The following EXT2 variants were observed in gnomAD, a reference collection of about 807,000 sequenced individuals.
The protein encoded by EXT2 is exostosin glycosyltransferase 2.
Under a neutral mutation model 81.6 loss-of-function variants are expected in EXT2, and 53 were observed. That is an observed-to-expected ratio of 0.65 (90% CI 0.52 to 0.82). The LOEUF (loss-of-function observed/expected upper bound fraction) is 0.82, where lower values mean the gene tolerates loss of function less well. Among genes scored for constraint, EXT2 ranks in the 40% least tolerant of loss-of-function variants. EXT2 has a pLI of 0.00. For missense variants in EXT2, 774 were observed against 910.2 expected, an observed-to-expected ratio of 0.85 and a Z score of 1.93; for synonymous variants, 320 against 340.0, an observed-to-expected ratio of 0.94 and a Z score of 0.65.
At position 44,108,245 on chromosome 11, in the gene EXT2, C is replaced by T. The variant is rs747164239; in HGVS notation, c.533C>T (p.Ser178Phe). Residue 178 changes from serine to phenylalanine, a missense_variant, in exon 2 of 14, where the codon TCT (serine) becomes TTT (phenylalanine). By Grantham distance (155) the Ser-to-Phe change is radical. This residue lies in a region of EXT2 where 626 missense variants were observed against 670.5 expected (regional missense o/e 0.93). Coordinates refer to ENST00000533608, the MANE Select transcript of EXT2 (RefSeq NM_207122.2). ...ACAGCACAAGCGATGGCCCAGCTCTCTAGGTATCTCACACTCATACAGCCC... is the reference window on the plus strand; with the variant it reads ...ACAGCACAAGCGATGGCCCAGCTCTTTAGGTATCTCACACTCATACAGCCC... Reference protein sequence around the residue: ...KETAQAMAQLSRWDRGTNHLL... With the variant: ...KETAQAMAQLFRWDRGTNHLL... 1.1e-5 allele frequency: 17 copies of T among 1,611,718 alleles called. No homozygotes were observed. The highest frequency in any genetic ancestry group is 1.4e-5 in the Non-Finnish European group (17 of 1,180,008).
At chr11:44,162,448 C>T (rs759899851) in intron 7 of EXT2, among the ~76,000 whole-genome samples, 5 of 151,638 alleles carry the variant, frequency 3.3e-5, no homozygotes, top group African/African-American at 7.3e-5. Context: ...TGGTGGCAGA[C>T]GTCTGTAATC....
intron 8 of EXT2, among the ~76,000 whole-genome samples, chr11:44,190,455 C>T (rs1383336238): frequency 6.6e-6 from 1 of 152,160 alleles, no homozygotes; most frequent in Admixed American, 6.5e-5. Flanking sequence ...CAGGCCTGTC[C>T]TCTTCTCTTC....
intron 9 of EXT2, 122 bp from the exon 10 acceptor site, chr11:44,206,671 G>T: frequency 3.0e-6 from 3 of 998,786 alleles, no homozygotes; most frequent in Non-Finnish European, 4.6e-6. Flanking sequence ...TTCTACCTTT[G>T]GATTTGATGA....
Position 44,247,303 on chromosome 11 carries a change from A to G in EXT2, c.*3016A>G, listed in dbSNP as rs1218395817. Among the ~76,000 whole-genome samples the G allele has an allele frequency of 5.0e-4, 1 of 1,996 alleles. No homozygotes were observed. Among genetic ancestry groups the G allele is most frequent in the Non-Finnish European group, 1.2e-3 (1 of 806 alleles). The allele number at this position is 1,996 out of a possible 152,430, so 1.3% of individuals were successfully genotyped here. ...CTCTTGTCACCCAGGCTGGAGTGCA[A>G]CAATAGCATGGTCTCGGCTCACTAC... On this transcript the variant is annotated 3_prime_UTR_variant, in exon 14 of 14. Transcript: ENST00000533608.
intron 7 of EXT2, among the ~76,000 whole-genome samples, chr11:44,163,375 C>T (rs1342481138): frequency 6.6e-6 from 1 of 152,198 alleles, no homozygotes; most frequent in African/African-American, 2.4e-5. Context: ...TAGAGCCTAT[C>T]TCTGGGACCT....
At chr11:44,120,924 A>T in intron 4 of EXT2, among the ~76,000 whole-genome samples, 1 of 152,234 alleles carries the variant, frequency 6.6e-6, no homozygotes, top group African/African-American at 2.4e-5. Flanking sequence ...GGGAGGAGAC[A>T]TGAAAGCTAT....
At chr11:44,147,598 T>C (rs1286689854) in intron 7 of EXT2, among the ~76,000 whole-genome samples, 1 of 152,112 alleles carries the variant, frequency 6.6e-6, no homozygotes, top group Non-Finnish European at 1.5e-5. Context: ...TCCTGCTCTG[T>C]CACCCAGGTT....
chr11:44,238,120 T>G (rs1443318423), intron 13 of EXT2, among the ~76,000 whole-genome samples: 1 of 151,976 alleles, frequency 6.6e-6, no homozygotes, highest in Non-Finnish European at 1.5e-5. Flanking sequence ...GGAGATTTAA[T>G]TTAGATATAA....
intron 8 of EXT2, among the ~76,000 whole-genome samples, chr11:44,173,018 C>T (rs1225163070): frequency 2.0e-5 from 3 of 152,134 alleles, no homozygotes; most frequent in Non-Finnish European, 2.9e-5. Flanking sequence ...TTTAGGCACT[C>T]TGAGAGGTGT....
At chr11:44,143,824 T>C (rs1954678937) in intron 7 of EXT2, among the ~76,000 whole-genome samples, 2 of 152,338 alleles carry the variant, frequency 1.3e-5, no homozygotes, top group South Asian at 4.1e-4. Context: ...TGAGTTAGTA[T>C]TCATGGCCAA....
Position 44,108,114 on chromosome 11 carries a change from C to G in EXT2, c.402C>G (p.Leu134=), listed in dbSNP as rs775790678. ...NTISREYNEL[L]MAISDSDYYT... ...TCTCCCGGGAGTATAATGAACTGCTCATGGCCATCTCAGACAGTGACTACT... is the reference window on the plus strand; with the variant it reads ...TCTCCCGGGAGTATAATGAACTGCTGATGGCCATCTCAGACAGTGACTACT... Residue 134 remains leucine (L), a synonymous_variant, in exon 2 of 14, where the codon CTC becomes CTG. Coordinates refer to ENST00000533608, the MANE Select transcript of EXT2 (RefSeq NM_207122.2). 2.5e-6 allele frequency: 4 copies of G among 1,614,158 alleles called. No homozygotes were observed. Among genetic ancestry groups the G allele is most frequent in the African/African-American group, 1.3e-5 (1 of 75,040 alleles).
At chr11:44,207,782 A>T (rs1955601026) in intron 10 of EXT2, among the ~76,000 whole-genome samples, 1 of 152,228 alleles carries the variant, frequency 6.6e-6, no homozygotes, top group Non-Finnish European at 1.5e-5. Flanking sequence ...TATATTTAGT[A>T]CATGTATTTA....
At chr11:44,218,520 G>T (rs1238651133) in intron 10 of EXT2, among the ~76,000 whole-genome samples, 2 of 152,154 alleles carry the variant, frequency 1.3e-5, no homozygotes, top group Non-Finnish European at 2.9e-5. Flanking sequence ...AAAGCCATCA[G>T]ATCACAAGAT....
intron 12 of EXT2, among the ~76,000 whole-genome samples, chr11:44,234,708 T>C (rs1049996467): frequency 3.9e-5 from 6 of 152,174 alleles, no homozygotes; most frequent in African/African-American, 1.4e-4. Context: ...ATTACCAGTT[T>C]TTAAAAGTAC....
intron 7 of EXT2, among the ~76,000 whole-genome samples, chr11:44,169,091 G>A (rs1029289725): frequency 3.3e-5 from 5 of 151,876 alleles, no homozygotes; most frequent in East Asian, 3.9e-4. Context: ...GTGGTGGTGC[G>A]TGCCTGTAAT....
intron 10 of EXT2, among the ~76,000 whole-genome samples, chr11:44,214,742 A>G (rs1334935277): frequency 6.6e-6 from 1 of 151,678 alleles, no homozygotes; most frequent in Non-Finnish European, 1.5e-5. Flanking sequence ...AATCTTTTCA[A>G]AGAATTGACT....
chr11:44,096,637 G>A (rs1054557588), intron 1 of EXT2, among the ~76,000 whole-genome samples: 1 of 152,220 alleles, frequency 6.6e-6, no homozygotes, highest in Non-Finnish European at 1.5e-5. Context: ...TCGGGACTAG[G>A]TGGCCAGAAG....
intron 5 of EXT2, 152 bp from the exon 6 acceptor site, chr11:44,126,664 G>A: frequency 1.2e-6 from 1 of 846,526 alleles, no homozygotes; most frequent in Non-Finnish European, 2.0e-6. Context: ...AAGTTTTACA[G>A]GTGTGAGCTG....
chr11:44,237,916 A>AC, intron 13 of EXT2, among the ~76,000 whole-genome samples: 1 of 144,482 alleles, frequency 6.9e-6, no homozygotes, highest in Non-Finnish European at 1.5e-5. Context: ...AAAAAAAAAA[A>AC]AAAAAAAAAA....
Sources: allele counts gnomAD v4.1 joint callset (sites outside exome capture counted in the v4.1 genomes callset), GRCh38; gene constraint gnomAD v4.1.1; regional missense constraint gnomAD v4.1.1; transcripts MANE v1.5; gene names NCBI Gene and HGNC (gene_info 2026-07-23, HGNC 2026-07-21).